DIS3L2: variants seen among roughly 807,000 people sequenced by gnomAD.
DIS3L2 encodes the protein DIS3 like 3'-5' exoribonuclease 2, also known as DIS3-like exonuclease 2.
A neutral mutation model predicts 97.5 loss-of-function variants in DIS3L2; 34 were observed. That is an observed-to-expected ratio of 0.35 (90% confidence interval 0.27 to 0.46). The LOEUF is 0.46. DIS3L2 is among the 20% of genes least tolerant of loss of function. The pLI is 1.00. For synonymous variants in DIS3L2, 435 were observed against 445.2 expected (o/e 0.98, Z 0.29); for missense variants, 1,038 against 1,146.0 (o/e 0.91, Z 1.36).
chr2:232,218,459 GGTTTCAGGCCGGGT>G (rs368078439), intron 10 of DIS3L2, among the ~76,000 whole-genome samples: 270 of 152,264 alleles, frequency 1.8e-3, no homozygotes, highest in Non-Finnish European at 2.5e-3. Flanking sequence ...CATTCTTGGA[GGTTTCAGGCCGGGT>G]GTGGTGGCTC....
At chr2:232,077,202 T>C (rs1696217350) in intron 5 of DIS3L2, among the ~76,000 whole-genome samples, 2 of 152,120 alleles carry the variant, frequency 1.3e-5, no homozygotes, top group African/African-American at 4.8e-5. Flanking sequence ...GTTGCTGTTC[T>C]CTGTCTTCCG....
chr2:232,126,141 T>C (rs571393398), intron 6 of DIS3L2, among the ~76,000 whole-genome samples: 1 of 152,296 alleles, frequency 6.6e-6, no homozygotes, highest in East Asian at 1.9e-4. Context: ...GCTACCATTG[T>C]CTCTTCATTC....
At chr2:232,106,766 T>C (rs1697368215) in intron 6 of DIS3L2, among the ~76,000 whole-genome samples, 1 of 152,238 alleles carries the variant, frequency 6.6e-6, no homozygotes, top group African/African-American at 2.4e-5. Context: ...TAGATAGATA[T>C]CTGCAGAACT....
At chr2:232,284,345 T>C (rs1032406441) in intron 13 of DIS3L2, among the ~76,000 whole-genome samples, 6 of 152,218 alleles carry the variant, frequency 3.9e-5, no homozygotes, top group Admixed American at 6.5e-5. Context: ...TCTCAACTTC[T>C]GTGAGCCTCC....
intron 6 of DIS3L2, among the ~76,000 whole-genome samples, chr2:232,091,832 A>G (rs756729991): frequency 6.6e-6 from 1 of 152,176 alleles, no homozygotes. Context: ...TCTTTTAAAT[A>G]AAAGCCATTT....
At position 232,196,129 on chromosome 2, in the gene DIS3L2, G is replaced by A. The variant is rs1691746864; in HGVS notation, c.1125-14197G>A. On this transcript the variant is annotated intron_variant, in intron 9 of 20. Transcript: ENST00000325385. Reference sequence around the variant, plus strand: ...TATAAATTTTATACTATTATACAGGGTCTTGCTCTGTCACCCAGGTTGGAG... The same window carrying A: ...TATAAATTTTATACTATTATACAGGATCTTGCTCTGTCACCCAGGTTGGAG... Among the ~76,000 whole-genome samples, 3 of 152,026 alleles carry A rather than the reference G, an allele frequency of 2.0e-5. No individual in the cohort carries two copies. In the South Asian group the frequency reaches 6.3e-4, roughly 32 times the overall value.
intron 5 of DIS3L2, among the ~76,000 whole-genome samples, chr2:232,035,043 A>G (rs1400931399): frequency 6.6e-6 from 1 of 152,026 alleles, no homozygotes; most frequent in Admixed American, 6.6e-5. Context: ...TGTCTTGTTG[A>G]TTATTGTCTG....
rs1698360741 is a variant in DIS3L2 at position 232,136,459 on chromosome 2, T to G, written c.703-13T>G. On this transcript the variant is annotated splice_polypyrimidine_tract_variant and intron_variant, in intron 7 of 20. Coordinates refer to ENST00000325385, the MANE Select transcript of DIS3L2 (RefSeq NM_152383.5). ...CAGATAAACAACATTGACTATATCTTTGGTGTTTTTAGGTGGTTTACATCT... is the reference window on the plus strand; with the variant it reads ...CAGATAAACAACATTGACTATATCTGTGGTGTTTTTAGGTGGTTTACATCT... 4 of 1,613,348 alleles carry G rather than the reference T, an allele frequency of 2.5e-6. No individual in the cohort carries two copies. In the African/African-American group the frequency reaches 4.0e-5, roughly 16 times the overall value.
intron 13 of DIS3L2, among the ~76,000 whole-genome samples, chr2:232,290,338 G>A (rs1327663986): frequency 6.6e-6 from 1 of 152,244 alleles, no homozygotes; most frequent in African/African-American, 2.4e-5. Flanking sequence ...TCGGGAAGCT[G>A]CTGAGGTAAA....
At chr2:232,237,834 T>C (rs1046340475) in intron 10 of DIS3L2, among the ~76,000 whole-genome samples, 11 of 152,034 alleles carry the variant, frequency 7.2e-5, no homozygotes, top group African/African-American at 2.7e-4. Context: ...GTTAAGACTA[T>C]CCCAAGCATA....
chr2:232,024,257 C>T lies in DIS3L2; in HGVS notation c.211-20C>T, dbSNP rs766569992. Reference sequence around the variant, plus strand: ...AAATATATAGCTAGATTTTCACAAACTTTATTTTTTGTTTTAAAGGGTGTA... The same window carrying T: ...AAATATATAGCTAGATTTTCACAAATTTTATTTTTTGTTTTAAAGGGTGTA... On this transcript the variant is annotated intron_variant, in intron 3 of 20. Transcript: ENST00000325385. 6.4e-7 allele frequency: 1 copy of T among 1,553,760 alleles called. No homozygotes were observed. The highest frequency in any genetic ancestry group is 1.2e-5 in the South Asian group (1 of 81,200).
chr2:232,290,506 G>A (rs1373726469), intron 13 of DIS3L2, among the ~76,000 whole-genome samples: 1 of 152,138 alleles, frequency 6.6e-6, no homozygotes, highest in Non-Finnish European at 1.5e-5. Flanking sequence ...AAGAGGAGGC[G>A]GCTTGACCTG....
chr2:232,231,569 T>G (rs1454756013), intron 10 of DIS3L2, among the ~76,000 whole-genome samples: 7 of 152,208 alleles, frequency 4.6e-5, no homozygotes, highest in Admixed American at 4.6e-4. Context: ...TAATTGCCAC[T>G]TTACCTGAGG....
chr2:232,004,843 A>G (rs1574803851), intron 1 of DIS3L2, among the ~76,000 whole-genome samples: 1 of 152,156 alleles, frequency 6.6e-6, no homozygotes, highest in East Asian at 1.9e-4. Flanking sequence ...TAGTCTCCCA[A>G]AGTGCGAGGA....
intron 8 of DIS3L2, among the ~76,000 whole-genome samples, chr2:232,155,450 A>G (rs2106370031): frequency 6.6e-6 from 1 of 152,326 alleles, no homozygotes; most frequent in Admixed American, 6.5e-5. Flanking sequence ...GAAAGGGCTT[A>G]TGAGAACTAT....
Position 231,983,633 on chromosome 2 carries a change from G to A in DIS3L2, c.-94+21868G>A, listed in dbSNP as rs148807041. ...GGGCCAGGCACAGTGGCTCATGCCT[G>A]TAATCCCAGCACTTTGGGAGGCCAA... On this transcript the variant is annotated intron_variant, in intron 1 of 20. Coordinates refer to ENST00000325385, the MANE Select transcript of DIS3L2 (RefSeq NM_152383.5). Among the ~76,000 whole-genome samples the A allele has an allele frequency of 9.3e-4, 141 of 152,316 alleles. 2 individuals carry two copies. The East Asian group carries it at 0.022, about 24-fold the overall frequency.
rs141952770 is a variant in DIS3L2, at chr2:232,244,122, A to G, written c.1318-5117A>G. Among the ~76,000 whole-genome samples, 44 of 152,374 alleles carry G rather than the reference A, an allele frequency of 2.9e-4. 1 individual carries two copies. In the East Asian group the frequency reaches 8.1e-3, roughly 28 times the overall value. On this transcript the variant is annotated intron_variant, in intron 11 of 20. Coordinates refer to ENST00000325385, the MANE Select transcript of DIS3L2 (RefSeq NM_152383.5). ...TACTTCAGAATTGTCACTGGTTTTT[A>G]TCTGAGAGAGGAAGAGAGACATATC...
chr2:232,334,155 G>A (rs1695861667), intron 17 of DIS3L2, among the ~76,000 whole-genome samples, 168 bp downstream of exon 17: 1 of 152,198 alleles, frequency 6.6e-6, no homozygotes, highest in African/African-American at 2.4e-5. Flanking sequence ...CTACGGGCCG[G>A]TGCTGCAGAA....
At chr2:232,165,095 G>A (rs1213065939) in intron 9 of DIS3L2, among the ~76,000 whole-genome samples, 2 of 152,184 alleles carry the variant, frequency 1.3e-5, no homozygotes, top group Non-Finnish European at 2.9e-5. Context: ...ATATGTACAA[G>A]AATGTTCATT....
Sources: gnomAD v4.1 joint callset for allele counts (sites outside exome capture counted in the v4.1 genomes callset) on GRCh38, gnomAD v4.1.1 for gene constraint, MANE v1.5 for transcripts, NCBI Gene and HGNC (gene_info 2026-07-23, HGNC 2026-07-21) for gene names.